Variants in SLC1A6 observed in about 807,000 individuals in gnomAD.
SLC1A6 encodes solute carrier family 1 member 6.
In SLC1A6, 15 loss-of-function variants were observed where a neutral mutation model predicts 42.1. That is an observed-to-expected ratio of 0.36 (90% CI 0.24 to 0.55). The LOEUF is 0.55. Among genes scored for constraint, SLC1A6 ranks in the 20% least tolerant of loss-of-function variants. The pLI is 0.88. For missense variants in SLC1A6, 542 were observed against 772.5 expected (o/e 0.70, Z 3.54); for synonymous variants, 317 against 319.7 (o/e 0.99, Z 0.09).
At chr19:15,009,759 A>G (rs899402983) in intron 1 of SLC1A6, among the ~76,000 whole-genome samples, 1 of 152,200 alleles carries the variant, frequency 6.6e-6, no homozygotes, top group Non-Finnish European at 1.5e-5. Flanking sequence ...ATCCATAAAA[A>G]TAAATTTTTT....
chr19:14,967,306 C>T (rs895564040), intron 4 of SLC1A6, among the ~76,000 whole-genome samples: 7 of 152,112 alleles, frequency 4.6e-5, no homozygotes. Flanking sequence ...TGAGTTGTTG[C>T]AAGTAGAGTC....
At chr19:14,954,459 G>T (rs1337937663) in intron 7 of SLC1A6, 130 bp from the exon 8 acceptor site, 2 of 785,938 alleles carry the variant, frequency 2.5e-6, no homozygotes, top group African/African-American at 3.4e-5. Context: ...AACAGGGCGT[G>T]ACCTAGTGGG....
chr19:14,983,846 T>A (rs76480261), upstream of SLC1A6, among the ~76,000 whole-genome samples: 1 of 151,642 alleles, frequency 6.6e-6, no homozygotes, highest in Admixed American at 6.6e-5. Flanking sequence ...ATGAGCTCAA[T>A]GTTAATGAAT....
intron 1 of SLC1A6, among the ~76,000 whole-genome samples, chr19:14,991,013 C>T (rs2045817435): frequency 6.6e-6 from 1 of 152,072 alleles, no homozygotes; most frequent in Non-Finnish European, 1.5e-5. Context: ...ACAACAAATA[C>T]ACACAATTTT....
intron 3 of SLC1A6, among the ~76,000 whole-genome samples, chr19:14,970,571 C>T (rs1600007265): frequency 6.6e-6 from 1 of 151,832 alleles, no homozygotes; most frequent in Non-Finnish European, 1.5e-5. Context: ...ATTAGCCGGG[C>T]ATGGTGGCGG....
At position 14,956,573 on chromosome 19, in the gene SLC1A6, G is replaced by A. The variant is rs770201531; in HGVS notation, c.1072C>T (p.Leu358Phe). Residue 358 changes from leucine (L) to phenylalanine (F), a missense_variant, in exon 7 of 10, where the codon CTT (leucine) becomes TTT (phenylalanine). Physicochemically the swap from Leu to Phe is conservative, Grantham distance 22 (BLOSUM62 0). Transcript: ENST00000594383. ...GTGACGAGGAAGTAGATGAGGGGAA[G>A]GACAATGCCGGCATGGAGGAACAGG... Reference protein sequence around the residue: ...VGLFLHAGIVLPLIYFLVTHR... With the variant: ...VGLFLHAGIVFPLIYFLVTHR... 3 of 1,613,796 alleles carry A rather than the reference G, an allele frequency of 1.9e-6. No homozygotes were observed. The highest frequency in any genetic ancestry group is 2.7e-5 in the African/African-American group (2 of 74,966).
At chr19:14,961,758 T>G in intron 6 of SLC1A6, 3 of 463,912 alleles carry the variant, frequency 6.5e-6, no homozygotes, top group Non-Finnish European at 1.1e-5. Context: ...AATGAAAGAG[T>G]GAGATATTCC....
chr19:15,006,320 C>T (rs2045895441), intron 1 of SLC1A6, among the ~76,000 whole-genome samples: 1 of 152,162 alleles, frequency 6.6e-6, no homozygotes, highest in Admixed American at 6.5e-5. Context: ...CCTAGTTCAT[C>T]TGGATCCAGA....
At position 14,956,495 on chromosome 19, in the gene SLC1A6, C is replaced by T. The variant is rs1198101863; in HGVS notation, c.1150G>A (p.Ala384Thr). 6 of 1,589,900 alleles carry T rather than the reference C, an allele frequency of 3.8e-6. No individual in the cohort carries two copies. Among genetic ancestry groups the T allele is most frequent in the African/African-American group, 1.3e-5 (1 of 74,562 alleles). Residue 384 changes from alanine (A) to threonine (T), a missense_variant, in exon 7 of 10, where the codon GCT (alanine) becomes ACT (threonine). Physicochemically the swap from Ala to Thr is moderately conservative, Grantham distance 58. Transcript: ENST00000594383. ...IGGMLQALIT[A>T]MGTSSSSATL... ...CCATACCTGGAAGACGTGCCCATAG[C>T]GGTGATGAGGGCTTGTAGCATGCCC...
intron 1 of SLC1A6, among the ~76,000 whole-genome samples, chr19:14,985,975 A>C (rs1203071785): frequency 6.6e-6 from 1 of 152,100 alleles, no homozygotes; most frequent in Non-Finnish European, 1.5e-5. Context: ...AAAAAAAACA[A>C]CAACAGACAC....
At chr19:15,005,451 G>A (rs2045891811) in intron 1 of SLC1A6, among the ~76,000 whole-genome samples, 1 of 152,130 alleles carries the variant, frequency 6.6e-6, no homozygotes, top group Admixed American at 6.6e-5. Flanking sequence ...GTAGGTTGCA[G>A]TGAACCGAGA....
At chr19:14,970,437 C>T (rs1010177169) in intron 3 of SLC1A6, among the ~76,000 whole-genome samples, 2 of 152,088 alleles carry the variant, frequency 1.3e-5, no homozygotes, top group African/African-American at 2.4e-5. Context: ...AATGGCCGGG[C>T]GGGGTGGCTC....
intron 1 of SLC1A6, among the ~76,000 whole-genome samples, chr19:14,995,887 A>G (rs887357496): frequency 1.3e-5 from 2 of 152,170 alleles, no homozygotes; most frequent in East Asian, 3.9e-4. Context: ...TTACCCCGGA[A>G]AAGAACATTA....
upstream of SLC1A6, among the ~76,000 whole-genome samples, chr19:14,984,647 T>C (rs576638620): frequency 6.6e-6 from 1 of 152,334 alleles, no homozygotes; most frequent in African/African-American, 2.4e-5. Flanking sequence ...TTAAAATCCA[T>C]TAAGCTCGTC....
intron 1 of SLC1A6, among the ~76,000 whole-genome samples, chr19:14,986,212 C>T (rs953383314): frequency 2.0e-5 from 3 of 151,486 alleles, no homozygotes; most frequent in African/African-American, 7.3e-5. Flanking sequence ...GACATATACT[C>T]AAGAGTCAAG....
intron 1 of SLC1A6, among the ~76,000 whole-genome samples, chr19:15,000,705 TC>T (rs1269109444): frequency 6.6e-6 from 1 of 152,190 alleles, no homozygotes; most frequent in Non-Finnish European, 1.5e-5. Flanking sequence ...TGATGCCATT[TC>T]CTTTGCTGAT....
At chr19:14,998,396 C>T (rs1435414898) in intron 1 of SLC1A6, among the ~76,000 whole-genome samples, 1 of 152,076 alleles carries the variant, frequency 6.6e-6, no homozygotes, top group Non-Finnish European at 1.5e-5. Flanking sequence ...CAAAAATTAG[C>T]CAGTCATTGT....
In SLC1A6 at chr19:14,962,312, T is replaced by C. The variant is rs2045522673; in HGVS notation, c.625A>G (p.Arg209Gly). The part of the protein sequence containing the change: ...KTQYSTRVVT[R>G]TMVRTENGSE... ...CCGTTCTCTGTCCTCACCATGGTCC[T>C]GGTTACCACCCTCGTGCTGTACTGC... Residue 209 changes from arginine (R) to glycine (G), a missense_variant, in exon 6 of 10, where the codon AGG becomes GGG. Arg to Gly is a moderately radical substitution (Grantham distance 125, BLOSUM62 -2). Around this residue, in one of 6 missense-constraint regions of SLC1A6, gnomAD observed 298 missense variants for 419.4 expected, o/e 0.71. Coordinates refer to ENST00000594383, the MANE Select transcript of SLC1A6 (RefSeq NM_005071.3). The C allele has an allele frequency of 6.2e-7, 1 of 1,614,154 alleles. No homozygotes were observed. Among genetic ancestry groups the C allele is most frequent in the Non-Finnish European group, 8.5e-7 (1 of 1,180,010 alleles).
chr19:15,007,569 A>T (rs115859052), intron 1 of SLC1A6, among the ~76,000 whole-genome samples: 105 of 152,224 alleles, frequency 6.9e-4, no homozygotes, highest in African/African-American at 2.3e-3. Flanking sequence ...AAAATCAAGT[A>T]AGATGATCAT....
Sources: gnomAD v4.1 joint callset for allele counts (sites outside exome capture counted in the v4.1 genomes callset) on GRCh38, gnomAD v4.1.1 for gene constraint, gnomAD v4.1.1 regional missense constraint, MANE v1.5 for transcripts, NCBI Gene and HGNC (gene_info 2026-07-23, HGNC 2026-07-21) for gene names.